AP3S2: variants seen among roughly 807,000 people sequenced by gnomAD.
AP3S2 encodes AP-3 complex subunit sigma-2.
In AP3S2, 22 loss-of-function variants were observed where a neutral mutation model predicts 23.4. The ratio of observed to expected loss-of-function variants is 0.94; its 90% CI spans 0.67 to 1.34. AP3S2 has a LOEUF of 1.34. Among genes scored for constraint, AP3S2 ranks in the 40% most tolerant of loss-of-function variants. The pLI, the probability that AP3S2 is intolerant of heterozygous loss-of-function variation, is 0.00. For synonymous variants in AP3S2, 86 were observed against 87.1 expected (o/e 0.99, Z 0.07); for missense variants, 241 against 236.9 (o/e 1.02, Z -0.11).
At chr15:89,858,297 C>T (rs1019019914) in intron 4 of AP3S2, among the ~76,000 whole-genome samples, 1 of 151,566 alleles carries the variant, frequency 6.6e-6, no homozygotes, top group Non-Finnish European at 1.5e-5. Context: ...CAAAACTAGC[C>T]GGGTGTGGTG....
chr15:89,848,739 G>A (rs1411329469), intron 4 of AP3S2: 1 of 152,180 alleles, frequency 6.6e-6, no homozygotes, highest in African/African-American at 2.4e-5. Context: ...TCATTTTCTT[G>A]TCTATACTTG....
intron 3 of AP3S2, among the ~76,000 whole-genome samples, chr15:89,872,744 C>T (rs747834854): frequency 4.6e-5 from 7 of 152,184 alleles, no homozygotes; most frequent in Admixed American, 2.6e-4. Context: ...GAGGAACCAA[C>T]GCACACTATT....
intron 3 of AP3S2, among the ~76,000 whole-genome samples, chr15:89,884,387 A>G (rs1896643642): frequency 6.6e-6 from 1 of 152,150 alleles, no homozygotes; most frequent in African/African-American, 2.4e-5. Context: ...TTAGGGCTAG[A>G]AAAGAATATC....
At chr15:89,849,324 G>A (rs1333411636) in intron 4 of AP3S2, among the ~76,000 whole-genome samples, 4 of 152,020 alleles carry the variant, frequency 2.6e-5, no homozygotes, top group Admixed American at 2.6e-4. Flanking sequence ...TTTTTTGGGG[G>A]GAGTGCTTTT....
chr15:89,839,397 A>G (rs1895271586), intron 4 of AP3S2, among the ~76,000 whole-genome samples: 1 of 152,230 alleles, frequency 6.6e-6, no homozygotes, highest in Admixed American at 6.5e-5. Flanking sequence ...ACACACACGC[A>G]CACACACACT....
chr15:89,891,583 C>T (rs536399288), intron 1 of AP3S2, among the ~76,000 whole-genome samples: 4 of 149,506 alleles, frequency 2.7e-5, no homozygotes, highest in Non-Finnish European at 3.0e-5. Context: ...CACTTGAACC[C>T]GGGAGGCAGA....
At chr15:89,882,345 CCT>C (rs1010559686) in intron 3 of AP3S2, among the ~76,000 whole-genome samples, 13 of 151,866 alleles carry the variant, frequency 8.6e-5, no homozygotes, top group Non-Finnish European at 1.5e-4. Flanking sequence ...ATTTTACCCC[CCT>C]GTTCTGCTTT....
intron 3 of AP3S2, among the ~76,000 whole-genome samples, chr15:89,881,209 A>G (rs899664313): frequency 6.6e-6 from 1 of 152,198 alleles, no homozygotes; most frequent in African/African-American, 2.4e-5. Flanking sequence ...ATGAGCGTGT[A>G]TACGGTGAGG....
chr15:89,858,174 A>T (rs1438542058), intron 4 of AP3S2, among the ~76,000 whole-genome samples: 1 of 152,082 alleles, frequency 6.6e-6, no homozygotes, highest in Non-Finnish European at 1.5e-5. Context: ...GTGGTGGCTC[A>T]CACCTGCAAT....
chr15:89,886,329 G>A (rs1177575010), intron 3 of AP3S2, among the ~76,000 whole-genome samples: 1 of 152,076 alleles, frequency 6.6e-6, no homozygotes, highest in Non-Finnish European at 1.5e-5. Flanking sequence ...TGGCAACAGA[G>A]CAAGACTCCA....
At chr15:89,859,051 G>A (rs910396161) in intron 4 of AP3S2, among the ~76,000 whole-genome samples, 16 of 151,494 alleles carry the variant, frequency 1.1e-4, no homozygotes, top group African/African-American at 3.2e-4. Context: ...AAGAGATGGG[G>A]TCTCACTTAT....
At chr15:89,869,210 A>C (rs1348301183) in intron 4 of AP3S2, among the ~76,000 whole-genome samples, 26 of 149,312 alleles carry the variant, frequency 1.7e-4, no homozygotes, top group Non-Finnish European at 3.7e-4. Flanking sequence ...GAGACTTTTC[A>C]TTTTGTTCTG....
intron 3 of AP3S2, among the ~76,000 whole-genome samples, chr15:89,888,254 C>A (rs551552589): frequency 6.6e-6 from 1 of 152,238 alleles, no homozygotes; most frequent in African/African-American, 2.4e-5. Flanking sequence ...TAAAGACAAT[C>A]TGTAAGCAGA....
chr15:89,835,422 T>C lies in AP3S2; in HGVS notation c.*93A>G. The C allele has an allele frequency of 6.4e-7, 1 of 1,571,428 alleles. No homozygotes were observed. The highest frequency in any genetic ancestry group is 8.6e-7 in the Non-Finnish European group (1 of 1,158,308). On this transcript the variant is annotated 3_prime_UTR_variant, in exon 6 of 6. Transcript: ENST00000336418. ...TTTCCAGGTCCTGAGGCTTGACTCT[T>C]CTAAGGCTCAAAATGGGTTCTGTTT...
intron 3 of AP3S2, 52 bp downstream of exon 3, chr15:89,888,469 A>T: frequency 6.3e-7 from 1 of 1,586,026 alleles, no homozygotes; most frequent in Non-Finnish European, 8.6e-7. Flanking sequence ...TTACTCAAAA[A>T]TCCCGTGGAA....
chr15:89,873,948 T>A (rs1896381115), intron 3 of AP3S2, among the ~76,000 whole-genome samples: 1 of 142,818 alleles, frequency 7.0e-6, no homozygotes, highest in East Asian at 2.3e-4. Flanking sequence ...TGGTGTGATC[T>A]CAGAACACTG....
chr15:89,844,242 TCTTTCTTTCTTTCTTTC>T (rs1291429026), intron 4 of AP3S2, among the ~76,000 whole-genome samples: 20 of 58,796 alleles, frequency 3.4e-4, no homozygotes, highest in African/African-American at 1.1e-3. Flanking sequence ...TTTCTTTCTT[TCTTTCTTTCTTTCTTTC>T]TTTCTTTCTT....
At chr15:89,882,196 TTC>T (rs1896586014) in intron 3 of AP3S2, among the ~76,000 whole-genome samples, 1 of 152,152 alleles carries the variant, frequency 6.6e-6, no homozygotes, top group East Asian at 1.9e-4. Context: ...GATCCAGGCA[TTC>T]TGTTTTTAGC....
chr15:89,869,507 C>T (rs1270821947), intron 4 of AP3S2, among the ~76,000 whole-genome samples: 3 of 143,308 alleles, frequency 2.1e-5, no homozygotes, highest in African/African-American at 5.2e-5. Flanking sequence ...ACCTTCCCTC[C>T]ACTATTGTCC....
Sources: gnomAD v4.1 joint callset for allele counts (sites outside exome capture counted in the v4.1 genomes callset) on GRCh38, gnomAD v4.1.1 for gene constraint, MANE v1.5 for transcripts, NCBI Gene and HGNC (gene_info 2026-07-23, HGNC 2026-07-21) for gene names.